Variants in PTPRD observed in about 807,000 individuals in gnomAD.
The protein encoded by PTPRD is protein tyrosine phosphatase receptor type D.
A neutral mutation model predicts 214.5 loss-of-function variants in PTPRD; 34 were observed. The ratio of observed to expected loss-of-function variants is 0.16; its 90% CI spans 0.12 to 0.21. The LOEUF (loss-of-function observed/expected upper bound fraction) is 0.21. Ranked by LOEUF, PTPRD falls within the 10% of genes least tolerant of loss-of-function variation. The probability of loss-of-function intolerance (pLI) is 1.00; values close to 1 mark genes in which losing one functional copy is unlikely to be tolerated. For synonymous variants in PTPRD, 1,128 were observed against 845.7 expected (o/e 1.33, Z -5.79); for missense variants, 2,545 against 2,398.7 (o/e 1.06, Z -1.27).
Position 8,492,798 on chromosome 9 carries a change from T to C in PTPRD, c.2467+64A>G, listed in dbSNP as rs963228831. The stretch of plus-strand genomic sequence containing the variant: ...ACTATAATAAAAGCCTGCTAGAAGC[T>C]ACCTATACCATTTAAAAAGTTAGTA... On this transcript the variant is annotated intron_variant, in intron 27 of 45. Transcript: ENST00000381196. The C allele has an allele frequency of 8.6e-6, 10 of 1,157,716 alleles. No individual in the cohort carries two copies. In the African/African-American group the frequency reaches 1.5e-4, roughly 18 times the overall value. 71.7% of individuals were successfully genotyped at this position (1,157,716 alleles called of 1,614,324 possible). A position where few individuals can be genotyped will look rare whatever the true frequency, so the allele number is the denominator to read the frequency against.
intron 10 of PTPRD, among the ~76,000 whole-genome samples, chr9:9,111,000 C>G (rs1390208392): frequency 6.6e-6 from 1 of 152,032 alleles, no homozygotes; most frequent in Non-Finnish European, 1.5e-5. Flanking sequence ...TTACCGATCT[C>G]TGTGATTGGC....
chr9:10,100,896 A>T (rs1169278235), intron 3 of PTPRD, among the ~76,000 whole-genome samples: 1 of 151,706 alleles, frequency 6.6e-6, no homozygotes, highest in Non-Finnish European at 1.5e-5. Context: ...AAATACTAAA[A>T]GAGCAGGCAG....
At chr9:9,232,133 CT>C (rs768133157) in intron 9 of PTPRD, among the ~76,000 whole-genome samples, 1 of 152,110 alleles carries the variant, frequency 6.6e-6, no homozygotes, top group Non-Finnish European at 1.5e-5. Flanking sequence ...AGTTGAGATC[CT>C]TTAGTATGCT....
intron 43 of PTPRD, among the ~76,000 whole-genome samples, chr9:8,337,251 T>C (rs1157399925): frequency 2.0e-5 from 3 of 152,188 alleles, no homozygotes; most frequent in African/African-American, 4.8e-5. Context: ...ATATACACTA[T>C]GGAATATTAT....
chr9:8,704,778 G>A (rs930317755), intron 12 of PTPRD, among the ~76,000 whole-genome samples: 25 of 135,908 alleles, frequency 1.8e-4, no homozygotes, highest in Non-Finnish European at 1.9e-4. Flanking sequence ...AAAATTAGCC[G>A]GGTGTGGTGG....
At chr9:9,822,659 G>T (rs1390931457) in intron 5 of PTPRD, among the ~76,000 whole-genome samples, 3 of 151,478 alleles carry the variant, frequency 2.0e-5, no homozygotes, top group African/African-American at 4.8e-5. Context: ...TAAACTTACA[G>T]TCAAAACATA....
At chr9:8,331,552 T>C (rs1162895568) in intron 44 of PTPRD, 30 bp downstream of exon 44, 3 of 972,610 alleles carry the variant, frequency 3.1e-6, no homozygotes, top group Non-Finnish European at 4.0e-6. Context: ...CCACCACTTA[T>C]CACTGCTTTA....
chr9:9,362,935 A>G (rs1260062599), intron 9 of PTPRD, among the ~76,000 whole-genome samples: 1 of 151,258 alleles, frequency 6.6e-6, no homozygotes, highest in East Asian at 1.9e-4. Context: ...CAGTGGTGGA[A>G]CGTAGATTCT....
chr9:8,448,054 G>C (rs1225211161), intron 34 of PTPRD, among the ~76,000 whole-genome samples: 1 of 152,102 alleles, frequency 6.6e-6, no homozygotes, highest in Non-Finnish European at 1.5e-5. Context: ...GCCAGGAGTG[G>C]TGGCTAATGC....
chr9:9,569,713 G>C (rs1591818895), intron 8 of PTPRD, among the ~76,000 whole-genome samples: 1 of 151,626 alleles, frequency 6.6e-6, no homozygotes, highest in East Asian at 1.9e-4. Context: ...GAAAGTCTTA[G>C]AAACTAAATT....
chr9:10,515,514 T>C (rs1354225529), intron 2 of PTPRD, among the ~76,000 whole-genome samples: 1 of 151,994 alleles, frequency 6.6e-6, no homozygotes, highest in Admixed American at 6.6e-5. Flanking sequence ...TTCTTCATAG[T>C]TTCAGCATAT....
At chr9:10,113,412 A>G (rs2098706995) in intron 3 of PTPRD, among the ~76,000 whole-genome samples, 1 of 152,214 alleles carries the variant, frequency 6.6e-6, no homozygotes. Context: ...CTCTGCACAG[A>G]TACAGATGAG....
chr9:8,686,221 T>C (rs1367714771), intron 12 of PTPRD, among the ~76,000 whole-genome samples: 1 of 152,364 alleles, frequency 6.6e-6, no homozygotes, highest in East Asian at 1.9e-4. Flanking sequence ...GTTGTTTTCA[T>C]ATTAAAAACT....
At chr9:8,925,346 C>T (rs1244315033) in intron 11 of PTPRD, among the ~76,000 whole-genome samples, 1 of 151,996 alleles carries the variant, frequency 6.6e-6, no homozygotes, top group Admixed American at 6.6e-5. Context: ...GGGGAAGGTA[C>T]ATTCTCCACT....
At chr9:9,903,830 C>G (rs763600355) in intron 5 of PTPRD, among the ~76,000 whole-genome samples, 1 of 152,052 alleles carries the variant, frequency 6.6e-6, no homozygotes, top group Non-Finnish European at 1.5e-5. Context: ...GACTATGCAT[C>G]TTATTCAATG....
intron 7 of PTPRD, among the ~76,000 whole-genome samples, chr9:9,689,562 T>C (rs1041993821): frequency 2.0e-5 from 3 of 151,886 alleles, no homozygotes; most frequent in South Asian, 4.1e-4. Flanking sequence ...GTCACTCCAC[T>C]GATTTATCGA....
chr9:9,490,295 T>C (rs1028997107), intron 8 of PTPRD, among the ~76,000 whole-genome samples: 3 of 152,030 alleles, frequency 2.0e-5, no homozygotes, highest in African/African-American at 7.2e-5. Context: ...TGCAACACAA[T>C]AGCTAGAAGC....
intron 8 of PTPRD, among the ~76,000 whole-genome samples, chr9:9,494,589 TAAAAA>T (rs2096083357): frequency 6.6e-6 from 1 of 152,062 alleles, no homozygotes; most frequent in Admixed American, 6.6e-5. Flanking sequence ...CAATTTGAAA[TAAAAA>T]ATAAAATACT....
intron 5 of PTPRD, among the ~76,000 whole-genome samples, chr9:9,852,159 T>A (rs1161558518): frequency 6.6e-6 from 1 of 151,660 alleles, no homozygotes; most frequent in Non-Finnish European, 1.5e-5. Context: ...CTGAATCTAA[T>A]TAAAAAAAAA....
Sources: allele counts gnomAD v4.1 joint callset (sites outside exome capture counted in the v4.1 genomes callset), GRCh38; gene constraint gnomAD v4.1.1; transcripts MANE v1.5; gene names NCBI Gene and HGNC (gene_info 2026-07-23, HGNC 2026-07-21).